Variants in ANK2 observed in about 807,000 individuals in gnomAD.
ANK2 encodes the protein ankyrin-2.
A neutral mutation model predicts 360.5 loss-of-function variants in ANK2; 83 were observed. That is an observed-to-expected ratio of 0.23 (90% CI 0.19 to 0.28). The LOEUF is 0.28. ANK2 is among the 10% of genes least tolerant of loss of function. The pLI is 1.00. For missense variants in ANK2, 4,201 were observed against 4,795.7 expected (o/e 0.88, Z 3.66); for synonymous variants, 1,740 against 1,759.5 (o/e 0.99, Z 0.28).
At chr4:113,198,862 A>G (rs1344509864) in intron 3 of ANK2, 149 bp from the exon 4 acceptor site, 11 of 665,954 alleles carry the variant, frequency 1.7e-5, no homozygotes, top group Admixed American at 2.8e-5. Context: ...ATGGTAAAAA[A>G]TAATCTCTTC....
chr4:113,186,970 G>A (rs556759740), intron 2 of ANK2, among the ~76,000 whole-genome samples: 5 of 152,020 alleles, frequency 3.3e-5, no homozygotes, highest in East Asian at 3.9e-4. Context: ...GGTCTTCAGG[G>A]TAGGATAAAA....
At chr4:113,318,895 AC>A (rs1293102892) in intron 26 of ANK2, among the ~76,000 whole-genome samples, 1 of 152,194 alleles carries the variant, frequency 6.6e-6, no homozygotes, top group Non-Finnish European at 1.5e-5. Flanking sequence ...ACTGGAATAT[AC>A]TAGTGGCCTT....
At chr4:112,715,626 G>T in the ANK2 span, among the ~76,000 whole-genome samples, 5 of 152,204 alleles carry the variant, frequency 3.3e-5, no homozygotes, top group African/African-American at 4.8e-5. Context: ...AAATGCTGTA[G>T]TTCTGCTGTT....
chr4:113,323,770 C>T lies in ANK2; in HGVS notation c.2900+5150C>T, dbSNP rs564921294. ...CTATTCTGTTGCAGCCGCGCCTCTC[C>T]ATGTCTTGAACGTGACAACAGCAGG... is the stretch of plus-strand genomic sequence containing the variant. On this transcript the variant is annotated intron_variant, in intron 26 of 45. Transcript: ENST00000357077. The T allele has an allele frequency of 5.6e-6, 9 of 1,611,884 alleles. No individual in the cohort carries two copies. In the South Asian group the frequency reaches 8.8e-5, roughly 16 times the overall value.
intron 20 of ANK2, among the ~76,000 whole-genome samples, chr4:113,289,083 T>C (rs1444919862): frequency 6.6e-6 from 1 of 152,174 alleles, no homozygotes; most frequent in African/African-American, 2.4e-5. Flanking sequence ...TCAATGTGGT[T>C]CAAGGTGAAT....
At chr4:113,284,168 G>A (rs1587098617) in intron 18 of ANK2, among the ~76,000 whole-genome samples, 2 of 152,210 alleles carry the variant, frequency 1.3e-5, no homozygotes, top group East Asian at 3.8e-4. Flanking sequence ...AAGCCTTATA[G>A]TGAAATTCCG....
intron 1 of ANK2, among the ~76,000 whole-genome samples, chr4:112,845,295 A>C (rs2063043248): frequency 2.0e-5 from 3 of 150,302 alleles, no homozygotes; most frequent in Non-Finnish European, 4.4e-5. Flanking sequence ...TAGGGCTCAA[A>C]TATTGATGAA....
chr4:112,708,073 A>G, the ANK2 span, among the ~76,000 whole-genome samples: 1 of 152,216 alleles, frequency 6.6e-6, no homozygotes, highest in East Asian at 1.9e-4. Flanking sequence ...GGTGGAACAG[A>G]AGTACTGACA....
Position 113,230,848 on chromosome 4 carries a change from G to A in ANK2, c.385-1313G>A, listed in dbSNP as rs1306207714. 2.6e-5 allele frequency among the ~76,000 whole-genome samples: 4 copies of A among 152,084 alleles called. 1 individual carries two copies. The highest frequency in any genetic ancestry group is 4.1e-4 in the South Asian group (2 of 4,826). On this transcript the variant is annotated intron_variant, in intron 4 of 45. Coordinates refer to ENST00000357077, the MANE Select transcript of ANK2 (RefSeq NM_001148.6). ...ACCATAGTGTGTGCTCCATTAGGGCGCATGTGTCTGTCTTGTTTATCACTG... is the reference window on the plus strand; with the variant it reads ...ACCATAGTGTGTGCTCCATTAGGGCACATGTGTCTGTCTTGTTTATCACTG...
chr4:112,982,365 C>A (rs1313783310), intron 2 of ANK2, among the ~76,000 whole-genome samples: 2 of 151,978 alleles, frequency 1.3e-5, no homozygotes, highest in Admixed American at 6.6e-5. Context: ...ACAAAGTAAT[C>A]AAAAAGGCGG....
chr4:113,230,442 G>A (rs1394392965), intron 4 of ANK2, among the ~76,000 whole-genome samples: 1 of 151,954 alleles, frequency 6.6e-6, no homozygotes, highest in African/African-American at 2.4e-5. Flanking sequence ...TTGAACCTGG[G>A]AGGCAGAGGT....
intron 1 of ANK2, among the ~76,000 whole-genome samples, chr4:113,162,440 T>G (rs1027069875): frequency 6.6e-6 from 1 of 152,204 alleles, no homozygotes; most frequent in Non-Finnish European, 1.5e-5. Context: ...CTGTTTCCAA[T>G]ATGATCTTTA....
chr4:113,097,900 A>G lies in ANK2; in HGVS notation c.84+48088A>G, dbSNP rs547947903. ...TGCACACACACACACACGCACACAC[A>G]CATATATATGTATATATACACACAC... On this transcript the variant is annotated intron_variant, in intron 1 of 45. Coordinates refer to ENST00000357077, the MANE Select transcript of ANK2 (RefSeq NM_001148.6). 3.1e-3 allele frequency among the ~76,000 whole-genome samples: 403 copies of G among 128,134 alleles called. 3 individuals carry two copies. The highest frequency in any genetic ancestry group is 5.1e-3 in the Non-Finnish European group (309 of 60,874). 84.1% of individuals were successfully genotyped at this position (128,134 alleles called of 152,430 possible). A position where few individuals can be genotyped will look rare whatever the true frequency, so the allele number is the denominator to read the frequency against.
chr4:113,124,837 G>A (rs2095567907), intron 1 of ANK2, among the ~76,000 whole-genome samples: 1 of 152,060 alleles, frequency 6.6e-6, no homozygotes, highest in Non-Finnish European at 1.5e-5. Context: ...TATTAAGGAA[G>A]AGAATATGTG....
At chr4:113,023,535 A>C (rs2058621501) in intron 2 of ANK2, among the ~76,000 whole-genome samples, 1 of 152,228 alleles carries the variant, frequency 6.6e-6, no homozygotes, top group African/African-American at 2.4e-5. Context: ...AGGTCCCTGA[A>C]GAAATATCAT....
chr4:113,287,698 A>T lies in ANK2; in HGVS notation c.2173A>T (p.Thr725Ser). 6.2e-7 allele frequency: 1 copy of T among 1,607,218 alleles called. No individual in the cohort carries two copies. Among genetic ancestry groups the T allele is most frequent in the Non-Finnish European group, 8.5e-7 (1 of 1,173,882 alleles). Residue 725 changes from threonine (T) to serine (S), a missense_variant, in exon 19 of 46, where the codon ACA becomes TCA. Around this residue, in one of 4 missense-constraint regions of ANK2, gnomAD observed 1,268 missense variants for 1,650.8 expected, o/e 0.77. Transcript: ENST00000357077. ...TKHGADQDAH[T>S]KLGYTPLIVA... ...GCATGGAGCTGATCAGGATGCTCATACAAAGGTAAAGCAAATCACTCTCAG... is the reference window on the plus strand; with the variant it reads ...GCATGGAGCTGATCAGGATGCTCATTCAAAGGTAAAGCAAATCACTCTCAG...
rs577929073 is a variant in ANK2, at chr4:112,838,737, C to T, written c.-40+20473C>T. Among the ~76,000 whole-genome samples, 8 of 152,212 alleles carry T rather than the reference C, an allele frequency of 5.3e-5. No individual in the cohort carries two copies. The South Asian group carries it at 1.0e-3, about 20-fold the overall frequency. On this transcript the variant is annotated intron_variant, in intron 1 of 30. Coordinates refer to the ANK2 transcript ENST00000503271. ...ACAAAAAATTAGCCAGGCATGGTGG[C>T]GCATGCCTGTAATCCCAGCTACTCG... is the stretch of plus-strand genomic sequence containing the variant.
At chr4:113,189,131 T>C (rs2098604770) in intron 2 of ANK2, among the ~76,000 whole-genome samples, 1 of 152,172 alleles carries the variant, frequency 6.6e-6, no homozygotes, top group East Asian at 1.9e-4. Flanking sequence ...GAACCAAATT[T>C]TATGATTGCT....
intron 2 of ANK2, among the ~76,000 whole-genome samples, chr4:112,942,541 G>A (rs2154247606): frequency 6.6e-6 from 1 of 152,152 alleles, no homozygotes; most frequent in African/African-American, 2.4e-5. Context: ...TCTTACTAAA[G>A]TGTACTGCCG....
Sources: gnomAD v4.1 joint callset for allele counts (sites outside exome capture counted in the v4.1 genomes callset) on GRCh38, gnomAD v4.1.1 for gene constraint, gnomAD v4.1.1 regional missense constraint, MANE v1.5 for transcripts, NCBI Gene and HGNC (gene_info 2026-07-23, HGNC 2026-07-21) for gene names.